Variants in CTNNA2 observed in about 807,000 individuals in gnomAD.
The protein encoded by CTNNA2 is catenin alpha-2.
Under a neutral mutation model 101.0 loss-of-function variants are expected in CTNNA2, and 42 were observed. That is an observed-to-expected ratio of 0.42 (90% confidence interval 0.32 to 0.54). The LOEUF (loss-of-function observed/expected upper bound fraction) is 0.54, where lower values mean the gene tolerates loss of function less well. Among genes scored for constraint, CTNNA2 ranks in the 20% least tolerant of loss-of-function variants. The pLI is 0.14. For missense variants in CTNNA2, 871 were observed against 1,223.1 expected, an observed-to-expected ratio of 0.71 and a Z score of 4.29; for synonymous variants, 450 against 456.4, an observed-to-expected ratio of 0.99 and a Z score of 0.18.
intron 2 of CTNNA2, among the ~76,000 whole-genome samples, chr2:79,222,972 C>T (rs1266369123): frequency 6.6e-6 from 1 of 151,396 alleles, no homozygotes; most frequent in Non-Finnish European, 1.5e-5. Context: ...ATAGAGATAC[C>T]CTGTCTGTAA....
At chr2:79,804,449 A>G (rs1202728297) in intron 3 of CTNNA2, among the ~76,000 whole-genome samples, 3 of 152,200 alleles carry the variant, frequency 2.0e-5, no homozygotes, top group Non-Finnish European at 2.9e-5. Context: ...TAGAAATATA[A>G]TAAAAGAAAA....
chr2:80,231,294 G>A (rs1709196749), intron 7 of CTNNA2, among the ~76,000 whole-genome samples: 1 of 152,016 alleles, frequency 6.6e-6, no homozygotes, highest in African/African-American at 2.4e-5. Context: ...GCCTGTTCCT[G>A]GTGTTTGAAT....
intron 2 of CTNNA2, among the ~76,000 whole-genome samples, chr2:79,217,621 T>C (rs901821452): frequency 2.0e-5 from 3 of 152,130 alleles, no homozygotes; most frequent in African/African-American, 7.2e-5. Flanking sequence ...TGGAATGTCA[T>C]CAGTTAAGGC....
chr2:79,718,105 G>GA (rs1453279764), intron 2 of CTNNA2, among the ~76,000 whole-genome samples: 2 of 152,220 alleles, frequency 1.3e-5, no homozygotes, highest in African/African-American at 2.4e-5. Flanking sequence ...AAAGGGAAAA[G>GA]AAAAAAGTCA....
chr2:80,073,167 A>G (rs577976155), intron 7 of CTNNA2, among the ~76,000 whole-genome samples: 1 of 152,330 alleles, frequency 6.6e-6, no homozygotes, highest in South Asian at 2.1e-4. Context: ...CTCATGGGGA[A>G]AGGAGATGCC....
chr2:79,720,405 A>T (rs566463851), intron 2 of CTNNA2, among the ~76,000 whole-genome samples: 34 of 151,776 alleles, frequency 2.2e-4, no homozygotes, highest in African/African-American at 3.4e-4. Context: ...TTACTTAAAA[A>T]TTTTTTTTTC....
At chr2:79,699,540 A>G (rs1344329212) in intron 2 of CTNNA2, among the ~76,000 whole-genome samples, 1 of 151,940 alleles carries the variant, frequency 6.6e-6, no homozygotes, top group Non-Finnish European at 1.5e-5. Flanking sequence ...TATTTATAGA[A>G]TAATGGAATA....
At chr2:79,559,904 T>A (rs981434211) in intron 1 of CTNNA2, among the ~76,000 whole-genome samples, 3 of 151,840 alleles carry the variant, frequency 2.0e-5, no homozygotes, top group Admixed American at 6.6e-5. Flanking sequence ...TCATATCATT[T>A]TTATAGAAAC....
chr2:79,243,006 A>T (rs1176290652), intron 2 of CTNNA2, among the ~76,000 whole-genome samples: 1 of 145,338 alleles, frequency 6.9e-6, no homozygotes, highest in African/African-American at 2.6e-5. Flanking sequence ...ACACACACAC[A>T]CACACACACA....
intron 7 of CTNNA2, among the ~76,000 whole-genome samples, chr2:80,000,493 A>AT (rs563615337): frequency 6.0e-4 from 91 of 152,304 alleles, no homozygotes; most frequent in African/African-American, 2.1e-3. Context: ...TAGGGACAGC[A>AT]TTTTAAAAAA....
chr2:79,886,467 G>A (rs1683868171), intron 6 of CTNNA2, among the ~76,000 whole-genome samples: 2 of 151,846 alleles, frequency 1.3e-5, no homozygotes, highest in Admixed American at 6.6e-5. Context: ...AGAAGGAAAT[G>A]GCAGCCAGGC....
chr2:80,095,019 G>A (rs1291689531), intron 7 of CTNNA2, among the ~76,000 whole-genome samples: 6 of 152,072 alleles, frequency 3.9e-5, no homozygotes, highest in African/African-American at 1.4e-4. Context: ...TGATTGCCCT[G>A]GCCAGAACTT....
chr2:79,207,784 C>G (rs1050385753), intron 2 of CTNNA2, among the ~76,000 whole-genome samples: 1 of 152,124 alleles, frequency 6.6e-6, no homozygotes, highest in Non-Finnish European at 1.5e-5. Flanking sequence ...TGATGGCTCC[C>G]TGATGATGGA....
intron 1 of CTNNA2, among the ~76,000 whole-genome samples, chr2:79,615,396 A>G (rs143216852): frequency 6.6e-6 from 1 of 152,334 alleles, no homozygotes; most frequent in Non-Finnish European, 1.5e-5. Flanking sequence ...TAGCCTTTCT[A>G]CACAAACAAA....
intron 4 of CTNNA2, among the ~76,000 whole-genome samples, chr2:79,464,016 G>C (rs554300701): frequency 1.3e-4 from 20 of 151,940 alleles, no homozygotes; most frequent in African/African-American, 4.6e-4. Context: ...TAAGTTCTAG[G>C]GTACATTGTG....
chr2:79,886,257 T>G (rs1205009505), intron 6 of CTNNA2, among the ~76,000 whole-genome samples: 3 of 151,962 alleles, frequency 2.0e-5, no homozygotes, highest in Non-Finnish European at 4.4e-5. Flanking sequence ...TGAATGAGAG[T>G]ATTTCTCAGG....
At chr2:80,306,738 C>T (rs947486740) in intron 7 of CTNNA2, among the ~76,000 whole-genome samples, 13 of 151,762 alleles carry the variant, frequency 8.6e-5, no homozygotes, top group Admixed American at 8.5e-4. Flanking sequence ...GGTTAAACAG[C>T]GGCCAGCCAT....
chr2:79,985,263 C>G (rs1264863996), intron 7 of CTNNA2, among the ~76,000 whole-genome samples: 2 of 152,164 alleles, frequency 1.3e-5, no homozygotes, highest in African/African-American at 4.8e-5. Flanking sequence ...ACTCACTGTT[C>G]AGAATTCTTT....
chr2:80,110,423 C>T (rs1701143695), intron 7 of CTNNA2, among the ~76,000 whole-genome samples: 1 of 152,166 alleles, frequency 6.6e-6, no homozygotes, highest in Non-Finnish European at 1.5e-5. Context: ...TCCAATCTTC[C>T]TCATTTCAAA....
Sources: allele counts gnomAD v4.1 joint callset (sites outside exome capture counted in the v4.1 genomes callset), GRCh38; gene constraint gnomAD v4.1.1; transcripts MANE v1.5; gene names NCBI Gene and HGNC (gene_info 2026-07-23, HGNC 2026-07-21).